The following CAPN3 variants were observed in gnomAD, a reference collection of about 807,000 sequenced individuals.
The protein encoded by CAPN3 is calpain 3.
A neutral mutation model predicts 114.0 loss-of-function variants in CAPN3; 88 were observed. The observed-to-expected ratio is 0.77, with a 90% CI of 0.65 to 0.92. The LOEUF (loss-of-function observed/expected upper bound fraction) is 0.92, where lower values mean the gene tolerates loss of function less well. Ranked by LOEUF, CAPN3 falls within the 40% of genes least tolerant of loss-of-function variation. The pLI is 0.00. For missense variants in CAPN3, 1,028 were observed against 1,069.0 expected (o/e 0.96, Z 0.53); for synonymous variants, 386 against 382.9 (o/e 1.01, Z -0.09).
chr15:42,412,244 G>C lies in CAPN3; in HGVS notation c.*471G>C, dbSNP rs1431021518. ...TCAGTGGAATAGGGCTGGTTACTTT[G>C]GGCTGTCCAACTCATAAGTTTGGCT... On this transcript the variant is annotated 3_prime_UTR_variant, in exon 24 of 24. Transcript: ENST00000397163. 2.0e-6 allele frequency: 3 copies of C among 1,483,644 alleles called. No homozygotes were observed. The highest frequency in any genetic ancestry group is 1.7e-4 in the Middle Eastern group (1 of 5,880). The allele number at this position is 1,483,644 out of a possible 1,614,324, so 91.9% of individuals were successfully genotyped here.
At chr15:42,389,198 T>C in intron 5 of CAPN3, 102 bp downstream of exon 5, 1 of 1,140,128 alleles carries the variant, frequency 8.8e-7, no homozygotes, top group Non-Finnish European at 1.3e-6. Flanking sequence ...ACAGAGCGAA[T>C]GTTTTGTTTG....
chr15:42,398,106 T>TGGGGTACATATGTACCCATATTTTG lies in CAPN3; in HGVS notation c.1193+1267_1193+1291dup, dbSNP rs1220496298. Among the ~76,000 whole-genome samples the TGGGGTACATATGTACCCATATTTTG allele has an allele frequency of 2.0e-3, 267 of 135,832 alleles. 1 individual carries two copies. Among genetic ancestry groups the TGGGGTACATATGTACCCATATTTTG allele is most frequent in the African/African-American group, 8.1e-3 (220 of 27,188 alleles). The allele number at this position is 135,832 out of a possible 152,430, so 89.1% of individuals were successfully genotyped here. On this transcript the variant is annotated intron_variant, in intron 9 of 23. Transcript: ENST00000397163. ...GATATATCATAGCTATATATATTTT[T>TGGGGTACATATGTACCCATATTTTG]GGGGTACATATGTACCCATATTTTG... is the stretch of plus-strand genomic sequence containing the variant.
Position 42,412,277 on chromosome 15 carries a change from G to C in CAPN3, c.*504G>C. On this transcript the variant is annotated 3_prime_UTR_variant, in exon 24 of 24. Coordinates refer to ENST00000397163, the MANE Select transcript of CAPN3 (RefSeq NM_000070.3). ...CAACTCATAAGTTTGGCTGCATTTT[G>C]AAAAAAGCTGATCTAAATAAAGGCA... 1 of 1,206,278 alleles carries C rather than the reference G, an allele frequency of 8.3e-7. No individual in the cohort carries two copies. The highest frequency in any genetic ancestry group is 1.2e-6 in the Non-Finnish European group (1 of 861,932). 74.7% of individuals were successfully genotyped at this position (1,206,278 alleles called of 1,614,324 possible).
At chr15:42,409,877 G>A in intron 18 of CAPN3, 33 bp downstream of exon 18, 3 of 560,212 alleles carry the variant, frequency 5.4e-6, no homozygotes, top group Non-Finnish European at 1.1e-5. Context: ...GGGTGGGGTG[G>A]GTGGGGAGTC....
chr15:42,407,003 G>A (rs909658695), intron 15 of CAPN3, among the ~76,000 whole-genome samples: 12 of 152,110 alleles, frequency 7.9e-5, no homozygotes, highest in African/African-American at 2.7e-4. Flanking sequence ...GAGTCCAGGC[G>A]GGCTGCTTTT....
At chr15:42,406,146 C>G (rs1167971088) in intron 15 of CAPN3, among the ~76,000 whole-genome samples, 2 of 152,164 alleles carry the variant, frequency 1.3e-5, no homozygotes, top group Non-Finnish European at 2.9e-5. Context: ...GCCAAGCACT[C>G]TTTTAGGTGC....
chr15:42,366,833 TTTTTTTC>T lies in CAPN3; in HGVS notation c.309+6726_309+6732del, dbSNP rs1390539162. ...CTCACAGAATTCTTTTTTTTCTTTT[TTTTTTTC>T]TTTTTTTTTTTGAGACAGGGTCTCG... On this transcript the variant is annotated intron_variant, in intron 1 of 23. Transcript: ENST00000397163. Among the ~76,000 whole-genome samples the T allele has an allele frequency of 7.9e-4, 114 of 145,146 alleles. 3 individuals are homozygous for T. Among genetic ancestry groups the T allele is most frequent in the African/African-American group, 2.9e-3 (108 of 36,748 alleles).
At chr15:42,405,717 C>T (rs1177283235) in intron 14 of CAPN3, among the ~76,000 whole-genome samples, 1 of 152,112 alleles carries the variant, frequency 6.6e-6, no homozygotes, top group Non-Finnish European at 1.5e-5. Context: ...TCAGAGCAGT[C>T]ACTGGTGTCT....
intron 1 of CAPN3, among the ~76,000 whole-genome samples, chr15:42,366,819 C>CT (rs144584591): frequency 0.047 from 6,195 of 132,726 alleles, 449 homozygotes; most frequent in African/African-American, 0.17. Flanking sequence ...TCACAGAATT[C>CT]TTTTTTTTCT....
At chr15:42,392,144 G>A (rs1284693712) in intron 6 of CAPN3, among the ~76,000 whole-genome samples, 2 of 152,028 alleles carry the variant, frequency 1.3e-5, no homozygotes, top group Non-Finnish European at 2.9e-5. Flanking sequence ...CAGCCTGGGC[G>A]ACACAGCAAG....
At chr15:42,380,749 ATATTTTTT>A (rs1363023332) in intron 1 of CAPN3, among the ~76,000 whole-genome samples, 2 of 59,478 alleles carry the variant, frequency 3.4e-5, no homozygotes, top group African/African-American at 1.9e-4. Flanking sequence ...ATATATATAT[ATATTTTTT>A]TTTTTTTTTT....
intron 1 of CAPN3, among the ~76,000 whole-genome samples, chr15:42,365,551 G>A (rs747233753): frequency 2.6e-5 from 4 of 152,088 alleles, no homozygotes; most frequent in Non-Finnish European, 4.4e-5. Context: ...TGCTGATGGT[G>A]GCTGGAGCTC....
In CAPN3 at chr15:42,396,885, C is replaced by G. The variant is rs2141186533; in HGVS notation, c.1193+8C>G. The stretch of plus-strand genomic sequence containing the variant: ...TGAGGATGGAGAGTTCTGGTGAGTC[C>G]AGAACCCAGGAAGACCCAGAAGGGT... On this transcript the variant is annotated splice_region_variant and intron_variant, in intron 9 of 23. Transcript: ENST00000397163. 6.2e-7 allele frequency: 1 copy of G among 1,607,282 alleles called. No homozygotes were observed. Among genetic ancestry groups the G allele is most frequent in the Non-Finnish European group, 8.5e-7 (1 of 1,173,876 alleles).
Position 42,410,996 on chromosome 15 carries a change from G to A in CAPN3, c.2376G>A (p.Met792Ile), listed in dbSNP as rs1196297120. 6.2e-7 allele frequency: 1 copy of A among 1,611,234 alleles called. No homozygotes were observed. The highest frequency in any genetic ancestry group is 1.7e-5 in the Admixed American group (1 of 59,996). ...GCTGCTTCGTTAGGCTGGAGGGCAT[G>A]TTCAGTAAGTGGGAGAGGGGGGCTG... ...FICCFVRLEG[M>I]FRAFHAFDKD... Residue 792 changes from methionine (M) to isoleucine (I), a missense_variant, in exon 22 of 24, where the codon ATG becomes ATA. Transcript: ENST00000397163.
intron 1 of CAPN3, among the ~76,000 whole-genome samples, chr15:42,364,616 C>A (rs1369097193): frequency 2.0e-5 from 3 of 152,166 alleles, no homozygotes; most frequent in African/African-American, 7.2e-5. Flanking sequence ...TCCTTTAGGG[C>A]AATTCTAGTT....
chr15:42,391,611 T>TA (rs2053558263), intron 6 of CAPN3, among the ~76,000 whole-genome samples: 1 of 152,144 alleles, frequency 6.6e-6, no homozygotes, highest in Non-Finnish European at 1.5e-5. Flanking sequence ...TTAAAGCTGT[T>TA]ACGTTAGTAG....
At position 42,402,999 on chromosome 15, in the gene CAPN3, C is replaced by G; in HGVS notation, c.1742C>G (p.Ser581Cys). Reference protein sequence around the residue: ...LRVFSEKRNLSEEVENTISVD... With the variant: ...LRVFSEKRNLCEEVENTISVD... Reference sequence around the variant, plus strand: ...GTCTTCTCTGAAAAGAGGAACCTCTCTGAGTGAGTGCTGGCCCAGCTTTCC... The same window carrying G: ...GTCTTCTCTGAAAAGAGGAACCTCTGTGAGTGAGTGCTGGCCCAGCTTTCC... Residue 581 changes from serine (S) to cysteine (C), a missense_variant, in exon 13 of 24, where the codon TCT (serine) becomes TGT (cysteine). Physicochemically the swap from Ser to Cys is moderately radical, Grantham distance 112 (BLOSUM62 -1). Coordinates refer to ENST00000397163, the MANE Select transcript of CAPN3 (RefSeq NM_000070.3). 1 of 1,613,704 alleles carries G rather than the reference C, an allele frequency of 6.2e-7. No homozygotes were observed. The highest frequency in any genetic ancestry group is 2.2e-5 in the East Asian group (1 of 44,866).
At chr15:42,360,588 A>C (rs2052616362) in intron 1 of CAPN3, among the ~76,000 whole-genome samples, 1 of 152,192 alleles carries the variant, frequency 6.6e-6, no homozygotes, top group Non-Finnish European at 1.5e-5. Context: ...TTTCTGAAAC[A>C]CAGAAACCCT....
At chr15:42,364,348 C>T (rs1253585154) in intron 1 of CAPN3, among the ~76,000 whole-genome samples, 1 of 152,198 alleles carries the variant, frequency 6.6e-6, no homozygotes, top group East Asian at 1.9e-4. Flanking sequence ...TTAATGCAGG[C>T]TAAAGGCTTA....
Sources: gnomAD v4.1 joint callset for allele counts (sites outside exome capture counted in the v4.1 genomes callset) on GRCh38, gnomAD v4.1.1 for gene constraint, MANE v1.5 for transcripts, NCBI Gene and HGNC (gene_info 2026-07-23, HGNC 2026-07-21) for gene names.